Variants in CDCP2 observed in about 807,000 individuals in gnomAD.
CDCP2 encodes CUB domain containing protein 2, also known as CUB domain-containing protein 2.
A neutral mutation model predicts 31.0 loss-of-function variants in CDCP2; 31 were observed. The observed-to-expected ratio is 1.00, with a 90% confidence interval of 0.75 to 1.35. The LOEUF (loss-of-function observed/expected upper bound fraction) is 1.35, where lower values mean the gene tolerates loss of function less well. Ranked by LOEUF, CDCP2 falls within the 40% of genes most tolerant of loss-of-function variation. The probability of loss-of-function intolerance (pLI) is 0.00; values close to 1 mark genes in which losing one functional copy is unlikely to be tolerated. For synonymous variants in CDCP2, 206 were observed against 207.9 expected (o/e 0.99, Z 0.08); for missense variants, 443 against 482.6 (o/e 0.92, Z 0.77).
chr1:54,144,523 T>C (rs137964609), exon 2 of CDCP2: 1 of 1,609,728 alleles, frequency 6.2e-7, no homozygotes, highest in Admixed American at 1.7e-5. Context: ...GAGTGGAAGA[T>C]GACAGACATG....
In CDCP2 at chr1:54,144,829, A is replaced by G. The variant is rs1659437362; in HGVS notation, c.80-16T>C. ...CATTTGACACCTGGGGCAAGAGAGA[A>G]GTATGGCTGAGACTCCGTGCTGGGG... On this transcript the variant is annotated splice_polypyrimidine_tract_variant and intron_variant, in intron 1 of 5. Transcript: ENST00000530059. 7 of 1,588,256 alleles carry G rather than the reference A, an allele frequency of 4.4e-6. No homozygotes were observed. In the African/African-American group the frequency reaches 9.4e-5, roughly 21 times the overall value.
chr1:54,133,731 C>G (rs977384622), intron 5 of CDCP2, among the ~76,000 whole-genome samples: 4 of 151,948 alleles, frequency 2.6e-5, no homozygotes, highest in Admixed American at 6.6e-5. Flanking sequence ...CCCATCTCTA[C>G]TAAAAATACA....
chr1:54,150,552 G>A (rs551845589), intron 1 of CDCP2, among the ~76,000 whole-genome samples: 68 of 151,784 alleles, frequency 4.5e-4, no homozygotes, highest in Admixed American at 1.0e-3. Flanking sequence ...CCGAGATTGC[G>A]CCACTGCACT....
At chr1:54,134,781 G>T (rs551569906) in intron 5 of CDCP2, among the ~76,000 whole-genome samples, 1 of 151,828 alleles carries the variant, frequency 6.6e-6, no homozygotes, top group African/African-American at 2.4e-5. Context: ...TGTTGCCCAG[G>T]CTGGAGTGTA....
intron 2 of CDCP2, chr1:54,143,401 T>C (rs1459151917): frequency 7.3e-6 from 1 of 136,582 alleles, no homozygotes; most frequent in East Asian, 2.1e-4. Context: ...AAACATTGCC[T>C]TTATTTTTTA....
chr1:54,140,268 G>A, intron 3 of CDCP2, 162 bp from the exon 4 acceptor site: 3 of 633,752 alleles, frequency 4.7e-6, no homozygotes, highest in Middle Eastern at 4.3e-4. Flanking sequence ...CCAACTATCT[G>A]AAAGTTGGGA....
chr1:54,132,864 A>T (rs1570053699), downstream of CDCP2: 1 of 397,658 alleles, frequency 2.5e-6, no homozygotes, highest in Non-Finnish European at 4.4e-6. Flanking sequence ...GAGGGATATG[A>T]CCTGCCAATG....
At chr1:54,133,660 G>T (rs776037268) in intron 5 of CDCP2, among the ~76,000 whole-genome samples, 26 of 152,188 alleles carry the variant, frequency 1.7e-4, no homozygotes, top group Non-Finnish European at 3.2e-4. Context: ...ACTGTGGGAG[G>T]CCAAGGCGGG....
Position 54,139,865 on chromosome 1 carries a change from C to A in CDCP2, c.1005G>T (p.Trp335Cys), listed in dbSNP as rs950954431. The A allele has an allele frequency of 1.2e-5, 20 of 1,613,894 alleles. 1 individual carries two copies. The highest frequency in any genetic ancestry group is 1.7e-5 in the Non-Finnish European group (20 of 1,179,972). The change falls in exon 4 of 6, where the codon TGG becomes TGT. Residue 335 changes from tryptophan to cysteine, a missense_variant. Transcript: ENST00000530059. The stretch of plus-strand genomic sequence containing the variant: ...CGGGTGGTGGCAGGTGGTGTCCACA[C>A]CAATTCCCCAGCAGGGGTGCCTCCT...
At chr1:54,151,013 G>A (rs906450142) in intron 1 of CDCP2, among the ~76,000 whole-genome samples, 13 of 152,212 alleles carry the variant, frequency 8.5e-5, no homozygotes, top group African/African-American at 3.1e-4. Flanking sequence ...CCACAAAGGG[G>A]CTCTGGGGTC....
intron 2 of CDCP2, chr1:54,143,348 C>T (rs1309168281): frequency 6.6e-6 from 1 of 151,676 alleles, no homozygotes; most frequent in South Asian, 2.1e-4. Flanking sequence ...TCAAAACAAA[C>T]AAACAAACAA....
chr1:54,151,206 C>T lies in CDCP2; in HGVS notation c.79+1638G>A, dbSNP rs190856902. On this transcript the variant is annotated intron_variant, in intron 1 of 5. Transcript: ENST00000530059. ...GCACGTGCACTTAGCCTCTGTGAGC[C>T]GTGACATGGGGATAGTGGTGCCTCC... Among the ~76,000 whole-genome samples, 649 of 152,238 alleles carry T rather than the reference C, an allele frequency of 4.3e-3. 5 individuals are homozygous for T. The highest frequency in any genetic ancestry group is 0.024 in the Middle Eastern group (7 of 294).
intron 1 of CDCP2, among the ~76,000 whole-genome samples, chr1:54,149,325 C>T (rs910496466): frequency 6.6e-6 from 1 of 151,892 alleles, no homozygotes; most frequent in Admixed American, 6.5e-5. Context: ...GAGACACATT[C>T]TGACATATTT....
intron 1 of CDCP2, among the ~76,000 whole-genome samples, chr1:54,145,289 G>A (rs1023163948): frequency 2.0e-5 from 3 of 152,158 alleles, no homozygotes; most frequent in African/African-American, 7.2e-5. Context: ...AGCCAGGCGT[G>A]GTGGTGCGCG....
At chr1:54,139,260 C>G (rs1659310938) in intron 4 of CDCP2, 4 of 478,964 alleles carry the variant, frequency 8.4e-6, no homozygotes, top group Admixed American at 7.8e-5. Context: ...AGTGTTGAGC[C>G]CCTGGACCAA....
Position 54,144,825 on chromosome 1 carries a change from G to C in CDCP2, c.80-12C>G, listed in dbSNP as rs762141553. 3 of 1,596,534 alleles carry C rather than the reference G, an allele frequency of 1.9e-6. No individual in the cohort carries two copies. The highest frequency in any genetic ancestry group is 2.3e-5 in the East Asian group (1 of 44,314). On this transcript the variant is annotated splice_polypyrimidine_tract_variant and intron_variant, in intron 1 of 5. Coordinates refer to ENST00000530059, the Ensembl canonical transcript of CDCP2. ...CCCACATTTGACACCTGGGGCAAGA[G>C]AGAAGTATGGCTGAGACTCCGTGCT...
At position 54,133,687 on chromosome 1, in the gene CDCP2, G is replaced by C. The variant is rs200694324; in HGVS notation, c.1297-393C>G. 5.3e-5 allele frequency among the ~76,000 whole-genome samples: 8 copies of C among 152,242 alleles called. No individual in the cohort carries two copies. In the East Asian group the frequency reaches 1.5e-3, roughly 29 times the overall value. On this transcript the variant is annotated intron_variant, in intron 5 of 5. Transcript: ENST00000530059. ...CAAGGCGGGCGGATCATGAGGTCAG[G>C]AGATCGAGACCATCCTGACTAACAC...
intron 3 of CDCP2, chr1:54,140,358 G>T (rs1206859194): frequency 1.1e-5 from 6 of 559,684 alleles, no homozygotes; most frequent in African/African-American, 9.4e-5. Flanking sequence ...CCCCTTCACA[G>T]GTGTAGGCCC....
At chr1:54,140,456 G>T (rs926005746) in intron 3 of CDCP2, 3 of 373,314 alleles carry the variant, frequency 8.0e-6, no homozygotes, top group Non-Finnish European at 1.5e-5. Context: ...GTTCATGCCT[G>T]GCCTTTCCCC....
Sources: gnomAD v4.1 joint callset for allele counts (sites outside exome capture counted in the v4.1 genomes callset) on GRCh38, gnomAD v4.1.1 for gene constraint, MANE v1.5 for transcripts, NCBI Gene and HGNC (gene_info 2026-07-23, HGNC 2026-07-21) for gene names.